The following SNTG1 variants were observed in gnomAD, a reference collection of about 807,000 sequenced individuals.
SNTG1 encodes gamma-1-syntrophin.
Under a neutral mutation model 74.7 loss-of-function variants are expected in SNTG1, and 39 were observed. That is an observed-to-expected ratio of 0.52 (90% confidence interval 0.40 to 0.68). SNTG1 has a LOEUF of 0.68. Among genes scored for constraint, SNTG1 ranks in the 30% least tolerant of loss-of-function variants. The probability of loss-of-function intolerance (pLI) is 0.00; values close to 1 mark genes in which losing one functional copy is unlikely to be tolerated. For missense variants in SNTG1, 685 were observed against 609.5 expected, an observed-to-expected ratio of 1.12 and a Z score of -1.30; for synonymous variants, 254 against 217.1, an observed-to-expected ratio of 1.17 and a Z score of -1.49.
At chr8:50,791,636 T>G (rs112347816) in intron 18 of SNTG1, among the ~76,000 whole-genome samples, 2 of 151,852 alleles carry the variant, frequency 1.3e-5, no homozygotes, top group African/African-American at 2.4e-5. Context: ...AACACAGTCA[T>G]GTACATATCA....
chr8:50,507,912 C>A (rs1209695194), intron 9 of SNTG1, among the ~76,000 whole-genome samples: 1 of 141,792 alleles, frequency 7.1e-6, no homozygotes, highest in Non-Finnish European at 1.5e-5. Flanking sequence ...TCAATTCCCA[C>A]CTTCATTTCT....
At chr8:50,691,863 C>T (rs2095381470) in intron 15 of SNTG1, among the ~76,000 whole-genome samples, 1 of 152,182 alleles carries the variant, frequency 6.6e-6, no homozygotes, top group Non-Finnish European at 1.5e-5. Context: ...TGGTTCCATT[C>T]TCCCTGTCAC....
chr8:50,729,767 G>T (rs2131616333), intron 17 of SNTG1, among the ~76,000 whole-genome samples: 1 of 152,248 alleles, frequency 6.6e-6, no homozygotes, highest in East Asian at 1.9e-4. Context: ...ACAGGTAATT[G>T]TACCTAAGGG....
intron 8 of SNTG1, among the ~76,000 whole-genome samples, chr8:50,478,185 G>T (rs1245292436): frequency 6.6e-6 from 1 of 151,996 alleles, no homozygotes; most frequent in African/African-American, 2.4e-5. Flanking sequence ...AGCAGCCCTT[G>T]GTTTACCTAT....
chr8:50,007,540 G>A (rs904836325), intron 1 of SNTG1, among the ~76,000 whole-genome samples: 7 of 152,126 alleles, frequency 4.6e-5, no homozygotes, highest in African/African-American at 1.7e-4. Flanking sequence ...AATGTGCTGA[G>A]AGTTGATTAG....
chr8:50,619,159 A>T (rs1377517409), intron 13 of SNTG1, among the ~76,000 whole-genome samples: 1 of 152,186 alleles, frequency 6.6e-6, no homozygotes, highest in African/African-American at 2.4e-5. Flanking sequence ...TTATTAGAGC[A>T]CTATGCTGAA....
intron 15 of SNTG1, among the ~76,000 whole-genome samples, chr8:50,690,467 C>T (rs532535774): frequency 6.6e-6 from 1 of 152,258 alleles, no homozygotes; most frequent in South Asian, 2.1e-4. Context: ...TCGTTGCTTT[C>T]AAAGAACATC....
chr8:50,290,563 G>GT (rs2130550073), intron 2 of SNTG1, among the ~76,000 whole-genome samples: 1 of 152,082 alleles, frequency 6.6e-6, no homozygotes, highest in Admixed American at 6.6e-5. Context: ...AGAGTTTTAG[G>GT]TTTTTCCAGT....
At chr8:49,934,495 A>C (rs1171982881) in intron 1 of SNTG1, among the ~76,000 whole-genome samples, 1 of 152,192 alleles carries the variant, frequency 6.6e-6, no homozygotes, top group Non-Finnish European at 1.5e-5. Context: ...TAACTGATGC[A>C]AGGTGAAAAT....
chr8:50,532,842 T>C (rs2094279975), intron 10 of SNTG1, among the ~76,000 whole-genome samples: 2 of 152,184 alleles, frequency 1.3e-5, no homozygotes, highest in African/African-American at 2.4e-5. Context: ...AAACATTTGA[T>C]TTTCTGATGT....
intron 2 of SNTG1, among the ~76,000 whole-genome samples, chr8:50,355,164 C>T (rs2091782622): frequency 6.6e-6 from 1 of 151,710 alleles, no homozygotes; most frequent in Admixed American, 6.6e-5. Context: ...AATTGTAGTT[C>T]AAATATTTTA....
chr8:50,341,699 G>A (rs968654852), intron 2 of SNTG1, among the ~76,000 whole-genome samples: 5 of 151,992 alleles, frequency 3.3e-5, no homozygotes, highest in Admixed American at 6.5e-5. Flanking sequence ...ATTCACTACA[G>A]GGCAACTAAT....
At chr8:50,196,969 C>A (rs1367635847) in intron 2 of SNTG1, among the ~76,000 whole-genome samples, 4 of 151,754 alleles carry the variant, frequency 2.6e-5, no homozygotes, top group African/African-American at 4.8e-5. Context: ...GTGACAGAGC[C>A]AGATTCTGTC....
chr8:50,094,868 T>C (rs1413833365), intron 1 of SNTG1, among the ~76,000 whole-genome samples: 2 of 152,160 alleles, frequency 1.3e-5, no homozygotes, highest in South Asian at 4.1e-4. Context: ...CTATGTTCAT[T>C]GCAGCACTAT....
At chr8:50,219,530 G>A (rs773193062) in intron 2 of SNTG1, among the ~76,000 whole-genome samples, 5 of 152,140 alleles carry the variant, frequency 3.3e-5, no homozygotes, top group Non-Finnish European at 7.4e-5. Context: ...TGTACAGGAA[G>A]CATGGCTGGG....
In SNTG1 at chr8:50,601,033, T is replaced by C. The variant is rs1476532865; in HGVS notation, c.849+10116T>C. On this transcript the variant is annotated intron_variant, in intron 13 of 18. Coordinates refer to ENST00000642720, the MANE Select transcript of SNTG1 (RefSeq NM_018967.5). ...AAATACAAGAAACATTAGTTGGGCA[T>C]GGTGGCATGCACCTGTAGTCCCAGC... is the stretch of plus-strand genomic sequence containing the variant. Among the ~76,000 whole-genome samples, 4 of 151,502 alleles carry C rather than the reference T, an allele frequency of 2.6e-5. No homozygotes were observed. The East Asian group carries it at 7.8e-4, about 29-fold the overall frequency.
chr8:50,505,511 T>A (rs1282015198), intron 9 of SNTG1, among the ~76,000 whole-genome samples: 2 of 152,162 alleles, frequency 1.3e-5, no homozygotes, highest in Non-Finnish European at 2.9e-5. Flanking sequence ...TTCTGTTTTT[T>A]TGCTTTGTTT....
chr8:50,470,007 C>T (rs1434283738), intron 8 of SNTG1, among the ~76,000 whole-genome samples: 3 of 152,156 alleles, frequency 2.0e-5, no homozygotes, highest in Non-Finnish European at 4.4e-5. Flanking sequence ...CTCCTTATCA[C>T]AGAAACCTTC....
At chr8:50,612,296 GA>G (rs1011506866) in intron 13 of SNTG1, among the ~76,000 whole-genome samples, 4 of 151,930 alleles carry the variant, frequency 2.6e-5, no homozygotes, top group African/African-American at 7.3e-5. Flanking sequence ...TTCATGCACA[GA>G]AAAAAAGTAT....
Sources: gnomAD v4.1 joint callset for allele counts (sites outside exome capture counted in the v4.1 genomes callset) on GRCh38, gnomAD v4.1.1 for gene constraint, MANE v1.5 for transcripts, NCBI Gene and HGNC (gene_info 2026-07-23, HGNC 2026-07-21) for gene names.